ASB18: variants seen among roughly 807,000 people sequenced by gnomAD.
The protein encoded by ASB18 is ankyrin repeat and SOCS box containing 18, also known as ankyrin repeat and SOCS box protein 18.
In ASB18, 33 loss-of-function variants were observed where a neutral mutation model predicts 33.4. That is an observed-to-expected ratio of 0.99 (90% CI 0.75 to 1.32). The LOEUF (loss-of-function observed/expected upper bound fraction) is 1.32. Among genes scored for constraint, ASB18 ranks in the 40% most tolerant of loss-of-function variants. The pLI, the probability that ASB18 is intolerant of heterozygous loss-of-function variation, is 0.00. For synonymous variants in ASB18, 295 were observed against 307.6 expected (o/e 0.96, Z 0.43); for missense variants, 694 against 655.5 (o/e 1.06, Z -0.64).
chr2:236,236,470 A>C (rs2060589457), intron 3 of ASB18, among the ~76,000 whole-genome samples: 1 of 152,184 alleles, frequency 6.6e-6, no homozygotes, highest in South Asian at 2.1e-4. Flanking sequence ...GCACGAGTGT[A>C]TAAGTCTGCG....
chr2:236,254,554 TTCTTC>T (rs142466957), intron 1 of ASB18, among the ~76,000 whole-genome samples: 1,904 of 152,098 alleles, frequency 0.013, 40 homozygotes, highest in African/African-American at 0.042. Flanking sequence ...CCTGTTATTA[TTCTTC>T]TCTTCTCTTT....
At chr2:236,224,500 TG>T (rs752442661) in intron 3 of ASB18, among the ~76,000 whole-genome samples, 2 of 152,126 alleles carry the variant, frequency 1.3e-5, no homozygotes, top group Non-Finnish European at 2.9e-5. Context: ...ACAGCATGTT[TG>T]GAGGGAGGTG....
In ASB18 at chr2:236,216,516, A is replaced by G. The variant is rs2060488613; in HGVS notation, c.597-1650T>C. Among the ~76,000 whole-genome samples the G allele has an allele frequency of 6.6e-6, 1 of 152,196 alleles. No homozygotes were observed. The highest frequency in any genetic ancestry group is 2.1e-4 in the South Asian group (1 of 4,816). On this transcript the variant is annotated intron_variant, in intron 3 of 5. Transcript: ENST00000409749. The surrounding 1 kb of genome is among the most constrained non-coding windows in gnomAD (Gnocchi z 6.1). ...TTTGGCTTATTTGGGGTCTTGCTCT[A>G]GATGACTTGCTTCTTGCCATTTTCC...
At position 236,259,473 on chromosome 2, in the gene ASB18, GGATGGAGA is replaced by G. The variant is rs1218664404; in HGVS notation, c.205+4660_205+4667del. The G allele has an allele frequency of 2.1e-6, 1 of 469,370 alleles. No homozygotes were observed. The highest frequency in any genetic ancestry group is 4.4e-6 in the Non-Finnish European group (1 of 225,782). The allele number at this position is 469,370 out of a possible 1,614,324, so 29.1% of individuals were successfully genotyped here. A position where few individuals can be genotyped will look rare whatever the true frequency, so the allele number is the denominator to read the frequency against. ...TAGCAAGGCCATGCACTTCCGTAAT[GGATGGAGA>G]CTAAGGGCTTTATGCTTTCATGCAG... On this transcript the variant is annotated intron_variant, in intron 1 of 5. Transcript: ENST00000409749. This position sits in a 1 kb window ranked among gnomAD's most constrained non-coding sequence, Gnocchi z 4.4.
In ASB18 at chr2:236,255,637, A is replaced by G. The variant is rs59055936; in HGVS notation, c.205+8504T>C. Among the ~76,000 whole-genome samples, 5,478 of 152,326 alleles carry G rather than the reference A, an allele frequency of 0.036. 373 individuals carry two copies. Among genetic ancestry groups the G allele is most frequent in the African/African-American group, 0.13 (5,217 of 41,560 alleles). ...TCTCCTCTATCTTCTGCTTTACCTAAGTAAAAGAGTCAGGTGTTTTCTTTC... is the reference window on the plus strand; with the variant it reads ...TCTCCTCTATCTTCTGCTTTACCTAGGTAAAAGAGTCAGGTGTTTTCTTTC... On this transcript the variant is annotated intron_variant, in intron 1 of 5. Coordinates refer to ENST00000409749, the MANE Select transcript of ASB18 (RefSeq NM_212556.4). The surrounding 1 kb of genome is among the most constrained non-coding windows in gnomAD (Gnocchi z 4.4).
At chr2:236,230,154 A>G (rs894195642) in intron 3 of ASB18, among the ~76,000 whole-genome samples, 1 of 152,098 alleles carries the variant, frequency 6.6e-6, no homozygotes, top group Non-Finnish European at 1.5e-5. Context: ...CTCATTTTAA[A>G]AAATTTAAGT....
chr2:236,216,788 C>T lies in ASB18; in HGVS notation c.597-1922G>A, dbSNP rs746284926. Among the ~76,000 whole-genome samples, 1 of 152,230 alleles carries T rather than the reference C, an allele frequency of 6.6e-6. No homozygotes were observed. The highest frequency in any genetic ancestry group is 1.5e-5 in the Non-Finnish European group (1 of 68,040). On this transcript the variant is annotated intron_variant, in intron 3 of 5. Transcript: ENST00000409749. This position sits in a 1 kb window ranked among gnomAD's most constrained non-coding sequence, Gnocchi z 6.1. ...CCCACCACTCCCCCTGCCTGCTGGGCGAAGCCCACACTGCTCTCTTCAGGA... is the reference window on the plus strand; with the variant it reads ...CCCACCACTCCCCCTGCCTGCTGGGTGAAGCCCACACTGCTCTCTTCAGGA...
intron 1 of ASB18, among the ~76,000 whole-genome samples, chr2:236,242,593 T>C (rs1047702290): frequency 6.6e-6 from 1 of 152,166 alleles, no homozygotes; most frequent in African/African-American, 2.4e-5. Flanking sequence ...TAGCTGAGAT[T>C]ACAGGCATGT....
At position 236,203,451 on chromosome 2, in the gene ASB18, G is replaced by GA. The variant is rs2060416432; in HGVS notation, c.1102-7067dup. Among the ~76,000 whole-genome samples the GA allele has an allele frequency of 6.6e-6, 1 of 152,210 alleles. No homozygotes were observed. Among genetic ancestry groups the GA allele is most frequent in the Non-Finnish European group, 1.5e-5 (1 of 68,036 alleles). On this transcript the variant is annotated intron_variant, in intron 4 of 5. Transcript: ENST00000409749. This position sits in a 1 kb window ranked among gnomAD's most constrained non-coding sequence, Gnocchi z 6.0. ...TCTGACATGGGGAGTGCTCGGAAAT[G>GA]AAACAGGAGAGGAAAGCAGGGAAGA...
rs1430050112 is a variant in ASB18 at position 236,257,642 on chromosome 2, G to A, written c.205+6499C>T. ...TTTTTCAGGGACGTTCCTGCAAAATGTCTCTGGGTGGGTAGGCAGCAAGAG... is the reference window on the plus strand; with the variant it reads ...TTTTTCAGGGACGTTCCTGCAAAATATCTCTGGGTGGGTAGGCAGCAAGAG... On this transcript the variant is annotated intron_variant, in intron 1 of 5. Coordinates refer to ENST00000409749, the MANE Select transcript of ASB18 (RefSeq NM_212556.4). This position sits in a 1 kb window ranked among gnomAD's most constrained non-coding sequence, Gnocchi z 5.5. Among the ~76,000 whole-genome samples, 1 of 152,182 alleles carries A rather than the reference G, an allele frequency of 6.6e-6. No homozygotes were observed. The highest frequency in any genetic ancestry group is 1.5e-5 in the Non-Finnish European group (1 of 68,030).
chr2:236,248,612 A>C lies in ASB18; in HGVS notation c.206-7210T>G, dbSNP rs929380400. ...CGTCTCAAAAAAAAAAAAAAGAAAG[A>C]AAAAAGAGTCCCCAGGTACTTCTAA... is the stretch of plus-strand genomic sequence containing the variant. On this transcript the variant is annotated intron_variant, in intron 1 of 5. Coordinates refer to ENST00000409749, the MANE Select transcript of ASB18 (RefSeq NM_212556.4). This position sits in a 1 kb window ranked among gnomAD's most constrained non-coding sequence, Gnocchi z 4.9. 27 of 152,024 alleles carry C rather than the reference A, an allele frequency of 1.8e-4. No individual in the cohort carries two copies. The highest frequency in any genetic ancestry group is 6.5e-4 in the African/African-American group (27 of 41,450). 9.4% of individuals were successfully genotyped at this position (152,024 alleles called of 1,614,324 possible).
In ASB18 at chr2:236,217,412, CAA is replaced by C. The variant is rs1184456986; in HGVS notation, c.597-2548_597-2547del. Among the ~76,000 whole-genome samples, 10 of 85,316 alleles carry C rather than the reference CAA, an allele frequency of 1.2e-4. No homozygotes were observed. The highest frequency in any genetic ancestry group is 4.4e-4 in the Admixed American group (4 of 9,156). 56.0% of individuals were successfully genotyped at this position (85,316 alleles called of 152,430 possible). A position where few individuals can be genotyped will look rare whatever the true frequency, so the allele number is the denominator to read the frequency against. On this transcript the variant is annotated intron_variant, in intron 3 of 5. Coordinates refer to ENST00000409749, the MANE Select transcript of ASB18 (RefSeq NM_212556.4). This position sits in a 1 kb window ranked among gnomAD's most constrained non-coding sequence, Gnocchi z 5.2. Reference sequence around the variant, plus strand: ...GGGGCAACAGAGCGAGACTCTGTCTCAAAAAAAAAAAAAAATAAATCTTGGCA... The same window carrying C: ...GGGGCAACAGAGCGAGACTCTGTCTCAAAAAAAAAAAAATAAATCTTGGCA...
At chr2:236,247,027 A>G (rs893874493) in intron 1 of ASB18, among the ~76,000 whole-genome samples, 1 of 152,168 alleles carries the variant, frequency 6.6e-6, no homozygotes, top group Non-Finnish European at 1.5e-5. Flanking sequence ...ACACTGCACC[A>G]GACACTAAAT....
rs73128922 is a variant in ASB18 at position 236,234,211 on chromosome 2, G to T, written c.596+3478C>A. ...ATACTCCTGGGTTGGAAGCTTGTAA[G>T]GAGTTGCTATAAGACCCTTGCCCCC... On this transcript the variant is annotated intron_variant, in intron 3 of 5. Transcript: ENST00000409749. This position sits in a 1 kb window ranked among gnomAD's most constrained non-coding sequence, Gnocchi z 4.1. Among the ~76,000 whole-genome samples the T allele has an allele frequency of 0.046, 7,001 of 152,210 alleles. 310 individuals carry two copies. Among genetic ancestry groups the T allele is most frequent in the African/African-American group, 0.12 (4,945 of 41,496 alleles).
rs1011681092 is a variant in ASB18, at chr2:236,235,915, A to T, written c.596+1774T>A. On this transcript the variant is annotated intron_variant, in intron 3 of 5. Transcript: ENST00000409749. This position sits in a 1 kb window ranked among gnomAD's most constrained non-coding sequence, Gnocchi z 6.2. ...TGCCGTGTTGCCCAGGCTGGTCTTG[A>T]ACTCCCGGACTCAAGTGATCTGCCT... Among the ~76,000 whole-genome samples the T allele has an allele frequency of 6.6e-6, 1 of 152,044 alleles. No homozygotes were observed. Among genetic ancestry groups the T allele is most frequent in the African/African-American group, 2.4e-5 (1 of 41,400 alleles).
rs1406270990 is a variant in ASB18 at position 236,257,859 on chromosome 2, T to A, written c.205+6282A>T. On this transcript the variant is annotated intron_variant, in intron 1 of 5. Transcript: ENST00000409749. This position sits in a 1 kb window ranked among gnomAD's most constrained non-coding sequence, Gnocchi z 5.5. ...CCAATTGTCTGTGGAACCCAAGGTG[T>A]GTCATGCAACTTCTCCAAGCCTCAT... 1.3e-5 allele frequency among the ~76,000 whole-genome samples: 2 copies of A among 152,148 alleles called. No homozygotes were observed. Among genetic ancestry groups the A allele is most frequent in the African/African-American group, 4.8e-5 (2 of 41,436 alleles).
At chr2:236,254,562 TTCTC>T (rs912691913) in intron 1 of ASB18, among the ~76,000 whole-genome samples, 37 of 152,210 alleles carry the variant, frequency 2.4e-4, no homozygotes, top group African/African-American at 8.2e-4. Context: ...TATTCTTCTC[TTCTC>T]TTTCTTGCAT....
At chr2:236,201,920 A>AT (rs34233524) in intron 4 of ASB18, among the ~76,000 whole-genome samples, 26,664 of 150,000 alleles carry the variant, frequency 0.18, 2,377 homozygotes, top group South Asian at 0.25. Context: ...ATAAAAGTAC[A>AT]TTTTTTTTTG....
In ASB18 at chr2:236,237,589, T is replaced by TGGGACG; in HGVS notation, c.596+94_596+99dup. The stretch of plus-strand genomic sequence containing the variant: ...AGGGTCTGGGTCCGGAGGCGGGGGC[T>TGGGACG]GGGACGGAGGCGGAGGCGGGGTCGG... On this transcript the variant is annotated intron_variant, in intron 3 of 5. Coordinates refer to ENST00000409749, the MANE Select transcript of ASB18 (RefSeq NM_212556.4). The surrounding 1 kb of genome is among the most constrained non-coding windows in gnomAD (Gnocchi z 6.2). 1 of 910,842 alleles carries TGGGACG rather than the reference T, an allele frequency of 1.1e-6. No individual in the cohort carries two copies. Among genetic ancestry groups the TGGGACG allele is most frequent in the Non-Finnish European group, 1.4e-6 (1 of 725,366 alleles). The allele number at this position is 910,842 out of a possible 1,614,324, so 56.4% of individuals were successfully genotyped here. A position where few individuals can be genotyped will look rare whatever the true frequency, so the allele number is the denominator to read the frequency against.
Sources: allele counts gnomAD v4.1 joint callset (sites outside exome capture counted in the v4.1 genomes callset), GRCh38; gene constraint gnomAD v4.1.1; non-coding constraint Gnocchi (gnomAD v3.1); transcripts MANE v1.5; gene names NCBI Gene and HGNC (gene_info 2026-07-23, HGNC 2026-07-21).